The following OSBPL5 variants were observed in gnomAD, a reference collection of about 807,000 sequenced individuals.
OSBPL5 encodes oxysterol binding protein like 5.
Under a neutral mutation model 111.2 loss-of-function variants are expected in OSBPL5, and 71 were observed. The observed-to-expected ratio is 0.64, with a 90% CI of 0.53 to 0.78. The LOEUF is 0.78. OSBPL5 is among the 30% of genes least tolerant of loss of function. The probability of loss-of-function intolerance (pLI) is 0.00; values close to 1 mark genes in which losing one functional copy is unlikely to be tolerated. For synonymous variants in OSBPL5, 549 were observed against 513.9 expected (o/e 1.07, Z -0.93); for missense variants, 1,210 against 1,189.3 (o/e 1.02, Z -0.26).
chr11:3,126,821 C>A lies in OSBPL5; in HGVS notation c.137-266G>T, dbSNP rs370185391. 4.8e-4 allele frequency among the ~76,000 whole-genome samples: 73 copies of A among 152,338 alleles called. No homozygotes were observed. Among genetic ancestry groups the A allele is most frequent in the Non-Finnish European group, 9.7e-4 (66 of 68,034 alleles). On this transcript the variant is annotated intron_variant, in intron 2 of 21. Coordinates refer to ENST00000263650, the MANE Select transcript of OSBPL5 (RefSeq NM_020896.4). The surrounding 1 kb of genome is among the most constrained non-coding windows in gnomAD (Gnocchi z 6.5). ...AAGCTGGGACAGGAGCTGGTAGGAA[C>A]CGGCATCCTGGGCCTGCTGTAGTGT...
chr11:3,131,927 GTCCATCCA>G (rs532838844), intron 1 of OSBPL5, among the ~76,000 whole-genome samples: 591 of 23,418 alleles, frequency 0.025, 14 homozygotes, highest in African/African-American at 0.058. Flanking sequence ...CCATCCTCCT[GTCCATCCA>G]TCCATCCATC....
intron 1 of OSBPL5, among the ~76,000 whole-genome samples, chr11:3,131,830 CACTCATCT>C: frequency 1.4e-5 from 2 of 147,374 alleles, no homozygotes; most frequent in African/African-American, 5.2e-5. Flanking sequence ...TCCATCTACC[CACTCATCT>C]ATCCATCCAC....
chr11:3,093,396 G>C (rs373969691), intron 17 of OSBPL5, 131 bp downstream of exon 17: 1 of 1,362,564 alleles, frequency 7.3e-7, no homozygotes, highest in East Asian at 2.3e-5. Context: ...GCCACCAGGG[G>C]TGCACCAGGC....
chr11:3,102,221 G>A lies in OSBPL5; in HGVS notation c.1387C>T (p.Pro463Ser). The A allele has an allele frequency of 6.2e-7, 1 of 1,609,342 alleles. No homozygotes were observed. The highest frequency in any genetic ancestry group is 8.5e-7 in the Non-Finnish European group (1 of 1,178,210). ...TAGAATGTGCGGCTGTCAGTCTGCG[G>A]GTGGAACCAGCAGCAGCGGAAGGTC... ...GETFRCCWFH[P>S]QTDSRTFYIA... Residue 463 changes from proline to serine, a missense_variant, in exon 12 of 22, where the codon CCG (proline) becomes TCG (serine). Physicochemically the swap from Pro to Ser is moderately conservative, Grantham distance 74. Transcript: ENST00000263650.
intron 1 of OSBPL5, among the ~76,000 whole-genome samples, chr11:3,134,103 A>AAGT (rs1293843000): frequency 6.6e-6 from 1 of 152,058 alleles, no homozygotes; most frequent in East Asian, 1.9e-4. Context: ...CCCGGAAGCC[A>AAGT]CCACCTGACC....
rs977461712 is a variant in OSBPL5, at chr11:3,161,407, C to G, written c.-22+3809G>C. ...CATGGAGGAAATGAGCTGGTCACGT[C>G]CCACACCAGCCGATGCTGGTGAAAC... On this transcript the variant is annotated intron_variant, in intron 1 of 21. Transcript: ENST00000263650. The surrounding 1 kb of genome is among the most constrained non-coding windows in gnomAD (Gnocchi z 8.0). 6.6e-6 allele frequency: 1 copy of G among 152,224 alleles called. No individual in the cohort carries two copies. 9.4% of individuals were successfully genotyped at this position (152,224 alleles called of 1,614,324 possible).
At chr11:3,116,003 C>A (rs1344056724) in intron 7 of OSBPL5, among the ~76,000 whole-genome samples, 1 of 151,654 alleles carries the variant, frequency 6.6e-6, no homozygotes, top group Non-Finnish European at 1.5e-5. Context: ...TTTCCAAAAT[C>A]AAATTATAAA....
In OSBPL5 at chr11:3,092,635, C is replaced by G; in HGVS notation, c.2133-77G>C. ...GGGGCTGTCCTGGCCCAGTCTTCAG[C>G]CCCCCAACAGTGGCCAGAGACCTCC... On this transcript the variant is annotated intron_variant, in intron 18 of 21. Transcript: ENST00000263650. This position sits in a 1 kb window ranked among gnomAD's most constrained non-coding sequence, Gnocchi z 5.4. 1 of 1,467,842 alleles carries G rather than the reference C, an allele frequency of 6.8e-7. No homozygotes were observed. The highest frequency in any genetic ancestry group is 9.1e-7 in the Non-Finnish European group (1 of 1,097,916). The allele number at this position is 1,467,842 out of a possible 1,614,324, so 90.9% of individuals were successfully genotyped here. A position where few individuals can be genotyped will look rare whatever the true frequency, so the allele number is the denominator to read the frequency against.
chr11:3,133,298 G>A (rs977382529), intron 1 of OSBPL5, among the ~76,000 whole-genome samples: 17 of 152,258 alleles, frequency 1.1e-4, no homozygotes, highest in African/African-American at 3.6e-4. Context: ...CCCCCATGAG[G>A]GGAGGGAGAG....
intron 7 of OSBPL5, among the ~76,000 whole-genome samples, chr11:3,112,046 CAT>C (rs796304240): frequency 0.25 from 18,627 of 73,658 alleles, 3,186 homozygotes; most frequent in African/African-American, 0.51. Flanking sequence ...TGTGTGCGCG[CAT>C]GTGTGTGCAT....
In OSBPL5 at chr11:3,154,835, C is replaced by T. The variant is rs886902903; in HGVS notation, c.-22+10381G>A. ...AATGTAAATGACGAGTTAATGGGTG[C>T]GGCACACCAACATGGCACATGTATA... is the stretch of plus-strand genomic sequence containing the variant. On this transcript the variant is annotated intron_variant, in intron 1 of 21. Coordinates refer to ENST00000263650, the MANE Select transcript of OSBPL5 (RefSeq NM_020896.4). This position sits in a 1 kb window ranked among gnomAD's most constrained non-coding sequence, Gnocchi z 4.9. Among the ~76,000 whole-genome samples the T allele has an allele frequency of 1.5e-4, 23 of 152,050 alleles. No individual in the cohort carries two copies. Among genetic ancestry groups the T allele is most frequent in the Admixed American group, 7.2e-4 (11 of 15,276 alleles).
rs1010524018 is a variant in OSBPL5 at position 3,161,234 on chromosome 11, A to C, written c.-22+3982T>G. On this transcript the variant is annotated intron_variant, in intron 1 of 21. Transcript: ENST00000263650. The surrounding 1 kb of genome is among the most constrained non-coding windows in gnomAD (Gnocchi z 8.0). The stretch of plus-strand genomic sequence containing the variant: ...CTTCGTGTCAGCAGGGTGAGAGGGG[A>C]TCTATGGACCAGTTAAGTCCATCTG... 6.6e-6 allele frequency: 1 copy of C among 152,302 alleles called. No homozygotes were observed. The highest frequency in any genetic ancestry group is 1.9e-4 in the East Asian group (1 of 5,172). The allele number at this position is 152,302 out of a possible 1,614,324, so 9.4% of individuals were successfully genotyped here. A position where few individuals can be genotyped will look rare whatever the true frequency, so the allele number is the denominator to read the frequency against.
At chr11:3,112,074 C>CATGTGT (rs1491361328) in intron 7 of OSBPL5, among the ~76,000 whole-genome samples, 13 of 38,374 alleles carry the variant, frequency 3.4e-4, no homozygotes, top group Non-Finnish European at 6.7e-4. Flanking sequence ...TGTGTGTGTG[C>CATGTGT]ATGTGTGTGT....
At chr11:3,134,879 C>T (rs1053277949) in intron 1 of OSBPL5, among the ~76,000 whole-genome samples, 1 of 152,174 alleles carries the variant, frequency 6.6e-6, no homozygotes, top group East Asian at 1.9e-4. Flanking sequence ...GGTGCAGGCC[C>T]GTGGGCAGGG....
rs1450045905 is a variant in OSBPL5, at chr11:3,093,052, C to T, written c.1947G>A (p.Arg649=). Residue 649 remains arginine (R), a splice_region_variant and synonymous_variant, in exon 18 of 22, where the codon AGG becomes AGA. Coordinates refer to ENST00000263650, the MANE Select transcript of OSBPL5 (RefSeq NM_020896.4). The part of the protein sequence containing the change: ...LEEQTELESE[R]LWQHVTRAIS... ...TGGCCCTGGTGACGTGCTGCCAGAG[C>T]CTGCGGGCCAGTGACCCATCCTGAG... 1.9e-6 allele frequency: 3 copies of T among 1,570,600 alleles called. No individual in the cohort carries two copies. The highest frequency in any genetic ancestry group is 1.8e-5 in the Admixed American group (1 of 56,562).
chr11:3,129,546 G>T (rs560649212), intron 1 of OSBPL5, among the ~76,000 whole-genome samples: 3 of 152,162 alleles, frequency 2.0e-5, no homozygotes, highest in Admixed American at 6.5e-5. Flanking sequence ...TCCCTCCCAC[G>T]TGACAGCACT....
chr11:3,108,140 G>A (rs796086504), intron 7 of OSBPL5, among the ~76,000 whole-genome samples, 195 bp from the exon 8 acceptor site: 48 of 152,138 alleles, frequency 3.2e-4, no homozygotes, highest in African/African-American at 1.2e-3. Context: ...CAGATTGTGT[G>A]GGGGCAGACA....
chr11:3,112,578 TA>T lies in OSBPL5; in HGVS notation c.692-4634del, dbSNP rs528422779. ...TTAGACACTTAGAAATGTCTTTGTT[TA>T]AAAAAAATTTGTAAGTGCACTATAA... On this transcript the variant is annotated intron_variant, in intron 7 of 21. Coordinates refer to ENST00000263650, the MANE Select transcript of OSBPL5 (RefSeq NM_020896.4). 3.0e-4 allele frequency among the ~76,000 whole-genome samples: 46 copies of T among 151,810 alleles called. No homozygotes were observed. The East Asian group carries it at 3.1e-3, about 10-fold the overall frequency.
intron 2 of OSBPL5, among the ~76,000 whole-genome samples, chr11:3,127,018 C>A (rs1458021529): frequency 6.6e-6 from 1 of 152,204 alleles, no homozygotes; most frequent in African/African-American, 2.4e-5. Flanking sequence ...GCCCTGTCTG[C>A]CATCCCACCC....
Sources: gnomAD v4.1 joint callset for allele counts (sites outside exome capture counted in the v4.1 genomes callset) on GRCh38, gnomAD v4.1.1 for gene constraint, Gnocchi (gnomAD v3.1) non-coding constraint, MANE v1.5 for transcripts, NCBI Gene and HGNC (gene_info 2026-07-23, HGNC 2026-07-21) for gene names.